RHOBTB3: variants seen among roughly 807,000 people sequenced by gnomAD.
RHOBTB3 encodes the protein rho-related BTB domain-containing protein 3.
Under a neutral mutation model 67.2 loss-of-function variants are expected in RHOBTB3, and 47 were observed. The observed-to-expected ratio is 0.70, with a 90% CI of 0.55 to 0.89. The LOEUF is 0.89. Ranked by LOEUF, RHOBTB3 falls within the 40% of genes least tolerant of loss-of-function variation. The pLI, the probability that RHOBTB3 is intolerant of heterozygous loss-of-function variation, is 0.00. For missense variants in RHOBTB3, 631 were observed against 750.0 expected (o/e 0.84, Z 1.85); for synonymous variants, 273 against 274.2 (o/e 1.00, Z 0.04).
intron 7 of RHOBTB3, 76 bp from the exon 8 acceptor site, chr5:95,767,970 C>A: frequency 2.8e-6 from 4 of 1,434,024 alleles, no homozygotes; most frequent in Non-Finnish European, 3.9e-6. Flanking sequence ...CATAATTTTC[C>A]AAATTCCTAG....
At chr5:95,786,351 C>T (rs1746223672) in intron 10 of RHOBTB3, among the ~76,000 whole-genome samples, 1 of 152,178 alleles carries the variant, frequency 6.6e-6, no homozygotes, top group African/African-American at 2.4e-5. Flanking sequence ...GAACACTCTG[C>T]CAGTTTTGTA....
intron 6 of RHOBTB3, 83 bp from the exon 7 acceptor site, chr5:95,763,425 G>A: frequency 1.3e-6 from 1 of 783,672 alleles, no homozygotes; most frequent in Non-Finnish European, 2.2e-6. Context: ...CTAAAAAAAG[G>A]GAATGTTGTA....
rs765423535 is a variant in RHOBTB3 at position 95,736,883 on chromosome 5, G to T, written c.229-6G>T. On this transcript the variant is annotated splice_polypyrimidine_tract_variant and splice_region_variant and intron_variant, in intron 2 of 11. Transcript: ENST00000379982. ...ACTAAAGATTGCTATTTGCATTTTGGTTTAGGACATATTTGACAGTGATTG... is the reference window on the plus strand; with the variant it reads ...ACTAAAGATTGCTATTTGCATTTTGTTTTAGGACATATTTGACAGTGATTG... The T allele has an allele frequency of 2.5e-6, 4 of 1,582,014 alleles. No homozygotes were observed. The highest frequency in any genetic ancestry group is 3.4e-6 in the Non-Finnish European group (4 of 1,165,726).
upstream of RHOBTB3, chr5:95,731,319 G>A: frequency 2.8e-6 from 3 of 1,075,828 alleles, no homozygotes; most frequent in Non-Finnish European, 3.4e-6. Context: ...TAGAGGAGGA[G>A]GAGCAGCGGC....
chr5:95,759,640 C>T (rs1211200488), intron 6 of RHOBTB3, among the ~76,000 whole-genome samples: 1 of 152,084 alleles, frequency 6.6e-6, no homozygotes, highest in Non-Finnish European at 1.5e-5. Flanking sequence ...AATTTTAAAC[C>T]TACGTTTTTC....
intron 5 of RHOBTB3, among the ~76,000 whole-genome samples, chr5:95,752,994 AGG>A (rs1745133864): frequency 6.6e-6 from 1 of 151,954 alleles, no homozygotes; most frequent in Non-Finnish European, 1.5e-5. Flanking sequence ...TAGCCGGGTG[AGG>A]TGGCAGGCGC....
intron 4 of RHOBTB3, among the ~76,000 whole-genome samples, 153 bp downstream of exon 4, chr5:95,748,640 C>T (rs879416117): frequency 4.0e-5 from 6 of 149,986 alleles, no homozygotes; most frequent in Non-Finnish European, 8.9e-5. Context: ...AAGGTTTTAT[C>T]AGAATAAAAT....
At chr5:95,722,825 G>A (rs1754930053) in intron 1 of RHOBTB3, among the ~76,000 whole-genome samples, 2 of 152,184 alleles carry the variant, frequency 1.3e-5, no homozygotes, top group Admixed American at 1.3e-4. Context: ...TAACAGAGCA[G>A]GCATATTAAA....
chr5:95,783,561 CA>C (rs201633409), intron 9 of RHOBTB3: 730 of 107,398 alleles, frequency 6.8e-3, no homozygotes, highest in South Asian at 0.015. Flanking sequence ...CCTGTCTCTA[CA>C]AAAAAAAAAA....
intron 2 of RHOBTB3, among the ~76,000 whole-genome samples, chr5:95,733,375 A>G (rs1483538036): frequency 6.6e-6 from 1 of 152,192 alleles, no homozygotes; most frequent in African/African-American, 2.4e-5. Context: ...ATGACGGTTC[A>G]ACATGCAGTT....
chr5:95,783,561 CAAA>C (rs201633409), intron 9 of RHOBTB3: 1,952 of 107,146 alleles, frequency 0.018, 5 homozygotes, highest in Middle Eastern at 0.028. Context: ...CCTGTCTCTA[CAAA>C]AAAAAAAAAA....
At chr5:95,737,221 T>C (rs953549534) in intron 3 of RHOBTB3, 146 bp downstream of exon 3, 46 of 572,872 alleles carry the variant, frequency 8.0e-5, no homozygotes, top group South Asian at 5.6e-4. Flanking sequence ...GCTTCATCAT[T>C]TGATACGATA....
At chr5:95,752,407 T>C in intron 5 of RHOBTB3, 57 bp downstream of exon 5, 1 of 1,131,036 alleles carries the variant, frequency 8.8e-7, no homozygotes, top group Non-Finnish European at 1.3e-6. Context: ...AGATCCTTTC[T>C]CACAGGTCTT....
At chr5:95,776,281 C>T (rs1272835444) in intron 8 of RHOBTB3, among the ~76,000 whole-genome samples, 1 of 151,990 alleles carries the variant, frequency 6.6e-6, no homozygotes, top group Non-Finnish European at 1.5e-5. Context: ...GTGGCAGACG[C>T]CTATAATCCC....
In RHOBTB3 at chr5:95,731,479, G is replaced by C. The variant is rs957137045; in HGVS notation, c.-204G>C. On this transcript the variant is annotated 5_prime_UTR_variant, in exon 1 of 12. Transcript: ENST00000379982. ...AGTAGCGGCAGCTTATCCCCCGCCCGCTAGCCCGCCCTGGTCCCCGGCTCG... is the reference window on the plus strand; with the variant it reads ...AGTAGCGGCAGCTTATCCCCCGCCCCCTAGCCCGCCCTGGTCCCCGGCTCG... The C allele has an allele frequency of 1.5e-4, 180 of 1,225,138 alleles. No homozygotes were observed. Among genetic ancestry groups the C allele is most frequent in the Non-Finnish European group, 1.7e-4 (166 of 986,488 alleles). 75.9% of individuals were successfully genotyped at this position (1,225,138 alleles called of 1,614,324 possible).
chr5:95,787,466 A>T (rs571706909), intron 10 of RHOBTB3, among the ~76,000 whole-genome samples: 1 of 146,566 alleles, frequency 6.8e-6, no homozygotes, highest in East Asian at 2.0e-4. Flanking sequence ...AAAAAAAAAA[A>T]AGCATATCCT....
intron 3 of RHOBTB3, among the ~76,000 whole-genome samples, chr5:95,738,275 T>C (rs1755505919): frequency 6.6e-6 from 1 of 152,122 alleles, no homozygotes; most frequent in Admixed American, 6.5e-5. Context: ...TTATTTCTGG[T>C]CATGATTCAT....
intron 6 of RHOBTB3, among the ~76,000 whole-genome samples, chr5:95,762,292 G>A (rs983443224): frequency 6.6e-6 from 1 of 152,216 alleles, no homozygotes; most frequent in African/African-American, 2.4e-5. Flanking sequence ...TCAGCTGTAA[G>A]AGCCTGAGAG....
chr5:95,770,112 A>G, intron 8 of RHOBTB3: 1 of 269,614 alleles, frequency 3.7e-6, no homozygotes, highest in Non-Finnish European at 7.6e-6. Flanking sequence ...TCTTGAATTG[A>G]AAATTGTATT....
Sources: gnomAD v4.1 joint callset for allele counts (sites outside exome capture counted in the v4.1 genomes callset) on GRCh38, gnomAD v4.1.1 for gene constraint, MANE v1.5 for transcripts, NCBI Gene and HGNC (gene_info 2026-07-23, HGNC 2026-07-21) for gene names.